Variants in PPFIA1 observed in about 807,000 individuals in gnomAD.
PPFIA1 encodes the protein liprin-alpha-1.
In PPFIA1, 25 loss-of-function variants were observed where a neutral mutation model predicts 149.9. The ratio of observed to expected loss-of-function variants is 0.17; its 90% CI spans 0.12 to 0.23. PPFIA1 has a LOEUF of 0.23. PPFIA1 is among the 10% of genes least tolerant of loss of function. The probability of loss-of-function intolerance (pLI) is 1.00; values close to 1 mark genes in which losing one functional copy is unlikely to be tolerated. For synonymous variants in PPFIA1, 549 were observed against 552.8 expected, an observed-to-expected ratio of 0.99 and a Z score of 0.10; for missense variants, 1,362 against 1,506.5, an observed-to-expected ratio of 0.90 and a Z score of 1.59.
chr11:70,339,194 C>T lies in PPFIA1; in HGVS notation c.1595C>T (p.Pro532Leu). ...AGCCGACCCCACTTGGGCAGTGTCCCAGATTTCAGGTTCCCCATGGCAGAC... is the reference window on the plus strand; with the variant it reads ...AGCCGACCCCACTTGGGCAGTGTCCTAGATTTCAGGTTCCCCATGGCAGAC... Reference protein sequence around the residue: ...HHGRPHLGSVPDFRFPMADGH... With the variant: ...HHGRPHLGSVLDFRFPMADGH... Residue 532 changes from proline to leucine, a missense_variant, in exon 14 of 28, where the codon CCA becomes CTA. Pro to Leu is a moderately conservative substitution (Grantham distance 98, BLOSUM62 -3). Around this residue, in one of 7 missense-constraint regions of PPFIA1, gnomAD observed 733 missense variants for 744.1 expected, o/e 0.99. Coordinates refer to ENST00000253925, the MANE Select transcript of PPFIA1 (RefSeq NM_003626.5). 6.2e-6 allele frequency: 10 copies of T among 1,614,034 alleles called. No individual in the cohort carries two copies. Among genetic ancestry groups the T allele is most frequent in the Non-Finnish European group, 7.6e-6 (9 of 1,180,002 alleles).
chr11:70,312,554 A>C (rs2053355122), intron 2 of PPFIA1, among the ~76,000 whole-genome samples: 1 of 152,172 alleles, frequency 6.6e-6, no homozygotes, highest in African/African-American at 2.4e-5. Flanking sequence ...TGATTCAGCA[A>C]GGTGAGGCCC....
chr11:70,363,580 C>T (rs2056771299), intron 21 of PPFIA1, among the ~76,000 whole-genome samples: 2 of 152,116 alleles, frequency 1.3e-5, no homozygotes. Flanking sequence ...GTGGCTCAAT[C>T]GTAGCTCACT....
chr11:70,330,261 A>C lies in PPFIA1; in HGVS notation c.1019A>C (p.His340Pro), dbSNP rs916549293. The C allele has an allele frequency of 6.3e-7, 1 of 1,589,762 alleles. No individual in the cohort carries two copies. The highest frequency in any genetic ancestry group is 1.9e-5 in the Admixed American group (1 of 52,746). The change falls in exon 8 of 28, where the codon CAT (histidine) becomes CCT (proline). Residue 340 changes from histidine to proline, a missense_variant. This residue lies in a region of PPFIA1 where 733 missense variants were observed against 744.1 expected (regional missense o/e 0.99). Coordinates refer to ENST00000253925, the MANE Select transcript of PPFIA1 (RefSeq NM_003626.5). ...LAAQREATSV[H>P]DLNDKLENEI... ...GCACAGCGTGAAGCCACATCTGTGC[A>C]TGACCTCAATGATAAACTTGAAAAT...
intron 2 of PPFIA1, among the ~76,000 whole-genome samples, chr11:70,280,220 A>ATT (rs149820166): frequency 0.13 from 19,071 of 150,090 alleles, 1,324 homozygotes; most frequent in Admixed American, 0.18. Context: ...ATGTGTGTAT[A>ATT]TATATATACG....
Position 70,335,591 on chromosome 11 carries a change from A to T in PPFIA1, c.1325A>T (p.Glu442Val). 1 of 1,614,048 alleles carries T rather than the reference A, an allele frequency of 6.2e-7. No homozygotes were observed. The highest frequency in any genetic ancestry group is 2.2e-5 in the East Asian group (1 of 44,884). The change falls in exon 11 of 28, where the codon GAA becomes GTA. Residue 442 changes from glutamate to valine, a missense_variant. Physicochemically the swap from Glu to Val is moderately radical, Grantham distance 121. Transcript: ENST00000253925. The part of the protein sequence containing the change: ...RARQREKMNE[E>V]HNKRLSDTVD... Reference sequence around the variant, plus strand: ...AGGCAAAGAGAAAAAATGAACGAAGAACATAATAAACGTTTATCAGACACT... The same window carrying T: ...AGGCAAAGAGAAAAAATGAACGAAGTACATAATAAACGTTTATCAGACACT...
chr11:70,297,076 C>T (rs900959183), intron 2 of PPFIA1, among the ~76,000 whole-genome samples: 1 of 152,112 alleles, frequency 6.6e-6, no homozygotes, highest in African/African-American at 2.4e-5. Context: ...GAATGCTTTT[C>T]CCTGTAATTC....
chr11:70,354,665 T>G (rs140168955), intron 17 of PPFIA1, among the ~76,000 whole-genome samples: 2,029 of 152,182 alleles, frequency 0.013, 33 homozygotes, highest in Non-Finnish European at 0.018. Context: ...TTGGGCAAGC[T>G]TAGTTTGGAA....
chr11:70,343,773 AGAT>A lies in PPFIA1; in HGVS notation c.1815_1817del (p.Asp606del). 1 of 1,614,226 alleles carries A rather than the reference AGAT, an allele frequency of 6.2e-7. No homozygotes were observed. On this transcript the variant is annotated inframe_deletion, in exon 15 of 28. Transcript: ENST00000253925. ...GTGATGCTGACGTGTCTGATGGTGAAGATGACAGGGACACTCTCCTCAGCTCAG... is the reference window on the plus strand; with the variant it reads ...GTGATGCTGACGTGTCTGATGGTGAAGACAGGGACACTCTCCTCAGCTCAG...
In PPFIA1 at chr11:70,335,814, T is replaced by C. The variant is rs959637339; in HGVS notation, c.1428+120T>C. On this transcript the variant is annotated intron_variant, in intron 11 of 27. Coordinates refer to ENST00000253925, the MANE Select transcript of PPFIA1 (RefSeq NM_003626.5). ...CAGCTGTTACCGAAAATGGGAATTA[T>C]TCTTTAAAGTGGAAAAGGTATGCAC... 87 of 1,191,958 alleles carry C rather than the reference T, an allele frequency of 7.3e-5. No homozygotes were observed. The Admixed American group carries it at 1.8e-3, about 25-fold the overall frequency. The allele number at this position is 1,191,958 out of a possible 1,614,324, so 73.8% of individuals were successfully genotyped here.
intron 16 of PPFIA1, among the ~76,000 whole-genome samples, chr11:70,351,695 T>C (rs1344567061): frequency 6.6e-6 from 1 of 152,228 alleles, no homozygotes; most frequent in African/African-American, 2.4e-5. Flanking sequence ...TACACATCCC[T>C]GTGAGGTTAC....
At chr11:70,280,050 G>C (rs2050657916) in intron 2 of PPFIA1, among the ~76,000 whole-genome samples, 1 of 151,912 alleles carries the variant, frequency 6.6e-6, no homozygotes. Context: ...AGGGACTACA[G>C]GTGCGTGCCA....
intron 2 of PPFIA1, among the ~76,000 whole-genome samples, chr11:70,280,222 A>ATG (rs1000617683): frequency 6.9e-6 from 1 of 144,206 alleles, no homozygotes; most frequent in African/African-American, 2.6e-5. Context: ...GTGTGTATAT[A>ATG]TATATACGTA....
chr11:70,359,132 T>C (rs1381623223), intron 19 of PPFIA1, among the ~76,000 whole-genome samples: 1 of 152,246 alleles, frequency 6.6e-6, no homozygotes, highest in African/African-American at 2.4e-5. Context: ...CCTTGCACCG[T>C]TGCCCAGGCT....
intron 2 of PPFIA1, among the ~76,000 whole-genome samples, chr11:70,311,716 A>T (rs2053293909): frequency 6.6e-6 from 1 of 151,138 alleles, no homozygotes; most frequent in Non-Finnish European, 1.5e-5. Context: ...CCATGGGTAG[A>T]GTGTAGCTGT....
intron 27 of PPFIA1, among the ~76,000 whole-genome samples, chr11:70,382,661 T>C (rs749284828): frequency 5.3e-5 from 8 of 152,264 alleles, no homozygotes; most frequent in Admixed American, 2.6e-4. Context: ...TTCTTAAAAC[T>C]GCGGACTCTG....
chr11:70,296,570 C>T (rs2052041087), intron 2 of PPFIA1, among the ~76,000 whole-genome samples: 1 of 151,826 alleles, frequency 6.6e-6, no homozygotes, highest in South Asian at 2.1e-4. Flanking sequence ...CAATCGCAGG[C>T]ACTCGGCAGG....
intron 16 of PPFIA1, 78 bp downstream of exon 16, chr11:70,348,498 C>A: frequency 8.9e-7 from 1 of 1,122,888 alleles, no homozygotes; most frequent in Non-Finnish European, 1.3e-6. Context: ...AATCTACCCA[C>A]AAGAAAATCA....
chr11:70,369,953 T>G (rs1441465301), intron 21 of PPFIA1, among the ~76,000 whole-genome samples: 1 of 151,792 alleles, frequency 6.6e-6, no homozygotes, highest in African/African-American at 2.4e-5. Context: ...TTTACTCTTT[T>G]TTTTTTTTTC....
intron 16 of PPFIA1, among the ~76,000 whole-genome samples, chr11:70,353,880 GATAAACGT>G (rs2056209744): frequency 6.6e-6 from 1 of 152,194 alleles, no homozygotes; most frequent in Admixed American, 6.5e-5. Context: ...GACATCAGGA[GATAAACGT>G]ATTTGTTACT....
Sources: gnomAD v4.1 joint callset for allele counts (sites outside exome capture counted in the v4.1 genomes callset) on GRCh38, gnomAD v4.1.1 for gene constraint, gnomAD v4.1.1 regional missense constraint, MANE v1.5 for transcripts, NCBI Gene and HGNC (gene_info 2026-07-23, HGNC 2026-07-21) for gene names.